SCARB1: variants seen among roughly 807,000 people sequenced by gnomAD.
The protein encoded by SCARB1 is scavenger receptor class B member 1, also known as CD36 and LIMPII analogous 1.
Under a neutral mutation model 57.2 loss-of-function variants are expected in SCARB1, and 30 were observed. The ratio of observed to expected loss-of-function variants is 0.52; its 90% CI spans 0.39 to 0.71. The LOEUF (loss-of-function observed/expected upper bound fraction) is 0.71, where lower values mean the gene tolerates loss of function less well. Ranked by LOEUF, SCARB1 falls within the 30% of genes least tolerant of loss-of-function variation. The probability of loss-of-function intolerance (pLI) is 0.00; values close to 1 mark genes in which losing one functional copy is unlikely to be tolerated. For missense variants in SCARB1, 543 were observed against 671.2 expected, an observed-to-expected ratio of 0.81 and a Z score of 2.11; for synonymous variants, 249 against 268.3, an observed-to-expected ratio of 0.93 and a Z score of 0.70.
In SCARB1 at chr12:124,814,064, G is replaced by A; in HGVS notation, c.630+138C>T. The A allele has an allele frequency of 4.9e-6, 4 of 823,262 alleles. No homozygotes were observed. The highest frequency in any genetic ancestry group is 8.5e-6 in the Non-Finnish European group (4 of 469,820). The allele number at this position is 823,262 out of a possible 1,614,324, so 51.0% of individuals were successfully genotyped here. A position where few individuals can be genotyped will look rare whatever the true frequency, so the allele number is the denominator to read the frequency against. The stretch of plus-strand genomic sequence containing the variant: ...ATTTCACTCAAGCCGGTTTGAGTCA[G>A]GTTCTCAGTCACTTACAACCCACAG... On this transcript the variant is annotated intron_variant, in intron 4 of 12. Transcript: ENST00000261693. This position sits in a 1 kb window ranked among gnomAD's most constrained non-coding sequence, Gnocchi z 4.7.
At chr12:124,824,018 A>C (rs34358636) in intron 1 of SCARB1, among the ~76,000 whole-genome samples, 1 of 150,644 alleles carries the variant, frequency 6.6e-6, no homozygotes, top group Non-Finnish European at 1.5e-5. Context: ...AAAAATATAT[A>C]CAAAAATTAG....
chr12:124,836,843 C>T (rs1566229761), intron 1 of SCARB1, among the ~76,000 whole-genome samples: 1 of 152,150 alleles, frequency 6.6e-6, no homozygotes, highest in African/African-American at 2.4e-5. Context: ...AATTTGTCTC[C>T]ATTTTACTGA....
chr12:124,806,926 C>A (rs187112766), intron 7 of SCARB1, among the ~76,000 whole-genome samples: 2 of 151,714 alleles, frequency 1.3e-5, no homozygotes, highest in African/African-American at 4.9e-5. Context: ...AGGCTGGGCG[C>A]GGTGGCTCAC....
At chr12:124,816,801 G>C (rs1168329773) in intron 2 of SCARB1, among the ~76,000 whole-genome samples, 5 of 152,074 alleles carry the variant, frequency 3.3e-5, no homozygotes, top group Admixed American at 3.3e-4. Context: ...AGGGGCTCTT[G>C]TGTCTCTCCA....
chr12:124,795,863 T>C (rs1194315153), intron 8 of SCARB1, among the ~76,000 whole-genome samples: 1 of 152,250 alleles, frequency 6.6e-6, no homozygotes, highest in African/African-American at 2.4e-5. Context: ...ATATTTTACA[T>C]AGAGCCTAAT....
At chr12:124,856,276 C>T (rs1004616422) in intron 1 of SCARB1, among the ~76,000 whole-genome samples, 10 of 152,246 alleles carry the variant, frequency 6.6e-5, no homozygotes, top group Non-Finnish European at 1.3e-4. Context: ...TATGTAGGCA[C>T]ACATCAACAC....
chr12:124,806,784 C>T (rs922625441), intron 7 of SCARB1, among the ~76,000 whole-genome samples: 4 of 152,074 alleles, frequency 2.6e-5, no homozygotes, highest in African/African-American at 9.7e-5. Flanking sequence ...CACCTGCGGT[C>T]CCAGCTACTC....
In SCARB1 at chr12:124,778,596, A is replaced by G; in HGVS notation, c.*1-10T>C. The G allele has an allele frequency of 7.1e-7, 1 of 1,412,948 alleles. No homozygotes were observed. Among genetic ancestry groups the G allele is most frequent in the Non-Finnish European group, 9.2e-7 (1 of 1,086,792 alleles). 87.5% of individuals were successfully genotyped at this position (1,412,948 alleles called of 1,614,324 possible). A position where few individuals can be genotyped will look rare whatever the true frequency, so the allele number is the denominator to read the frequency against. On this transcript the variant is annotated splice_polypyrimidine_tract_variant and intron_variant, in intron 12 of 12. Coordinates refer to ENST00000261693, the MANE Select transcript of SCARB1 (RefSeq NM_005505.5). ...CGGTGTCCTCAGGACCCTGTGGAGA[A>G]AGGCAAAGCTGGGTGACCACCCACG...
chr12:124,852,280 C>T (rs1952441300), intron 1 of SCARB1, among the ~76,000 whole-genome samples: 1 of 152,230 alleles, frequency 6.6e-6, no homozygotes, highest in Non-Finnish European at 1.5e-5. Context: ...AACAGCCCAG[C>T]ACTGGAACCA....
intron 9 of SCARB1, among the ~76,000 whole-genome samples, chr12:124,787,813 G>T (rs1343716947): frequency 6.6e-6 from 1 of 151,842 alleles, no homozygotes; most frequent in Non-Finnish European, 1.5e-5. Context: ...AGGCCAGGAG[G>T]GATTTGATTC....
At chr12:124,792,721 CAA>C (rs930596389) in intron 9 of SCARB1, among the ~76,000 whole-genome samples, 11 of 31,732 alleles carry the variant, frequency 3.5e-4, no homozygotes, top group African/African-American at 7.3e-4. Flanking sequence ...GACTTCGTCT[CAA>C]AAAAAAAAAA....
chr12:124,814,490 A>G lies in SCARB1; in HGVS notation c.427-85T>C. On this transcript the variant is annotated intron_variant, in intron 3 of 12. Coordinates refer to ENST00000261693, the MANE Select transcript of SCARB1 (RefSeq NM_005505.5). The surrounding 1 kb of genome is among the most constrained non-coding windows in gnomAD (Gnocchi z 4.7). ...GCCCCAGCTGGGCCTCACAGCAAAG[A>G]GCCCATGAAGGGAAATGCTGGGGTG... is the stretch of plus-strand genomic sequence containing the variant. 1 of 1,423,970 alleles carries G rather than the reference A, an allele frequency of 7.0e-7. No individual in the cohort carries two copies. The highest frequency in any genetic ancestry group is 9.9e-7 in the Non-Finnish European group (1 of 1,014,438). The allele number at this position is 1,423,970 out of a possible 1,614,324, so 88.2% of individuals were successfully genotyped here.
chr12:124,788,155 G>A (rs1361339677), intron 9 of SCARB1, among the ~76,000 whole-genome samples: 1 of 152,144 alleles, frequency 6.6e-6, no homozygotes, highest in Non-Finnish European at 1.5e-5. Flanking sequence ...TGGGCTGAGG[G>A]AACCAGTGTT....
chr12:124,797,654 GAT>G (rs1157934023), intron 8 of SCARB1, among the ~76,000 whole-genome samples: 1 of 152,190 alleles, frequency 6.6e-6, no homozygotes, highest in East Asian at 1.9e-4. Context: ...AAAGGAAAGC[GAT>G]CACTGAGAGC....
At chr12:124,847,057 G>C (rs147953200) in intron 1 of SCARB1, among the ~76,000 whole-genome samples, 354 of 152,360 alleles carry the variant, frequency 2.3e-3, no homozygotes, top group Non-Finnish European at 3.9e-3. Flanking sequence ...GGGCTTCGGG[G>C]CAGATGAGCT....
rs1223470329 is a variant in SCARB1 at position 124,789,138 on chromosome 12, A to C, written c.1203-1681T>G. 2.0e-5 allele frequency among the ~76,000 whole-genome samples: 3 copies of C among 152,336 alleles called. No homozygotes were observed. Among genetic ancestry groups the C allele is most frequent in the African/African-American group, 7.2e-5 (3 of 41,562 alleles). ...AAACTTGATACTGCAGAAACGTCAC[A>C]GGCATGACCTCATCCAGGCTATCAA... is the stretch of plus-strand genomic sequence containing the variant. On this transcript the variant is annotated intron_variant, in intron 9 of 12. Transcript: ENST00000261693. This position sits in a 1 kb window ranked among gnomAD's most constrained non-coding sequence, Gnocchi z 4.4.
Position 124,814,471 on chromosome 12 carries a change from G to T in SCARB1, c.427-66C>A. The T allele has an allele frequency of 6.5e-7, 1 of 1,528,816 alleles. No individual in the cohort carries two copies. The highest frequency in any genetic ancestry group is 9.0e-7 in the Non-Finnish European group (1 of 1,105,506). The allele number at this position is 1,528,816 out of a possible 1,614,324, so 94.7% of individuals were successfully genotyped here. ...GCTGGCCCATCCTCCCTTGGCCCCA[G>T]CTGGGCCTCACAGCAAAGAGCCCAT... On this transcript the variant is annotated intron_variant, in intron 3 of 12. Transcript: ENST00000261693. This position sits in a 1 kb window ranked among gnomAD's most constrained non-coding sequence, Gnocchi z 4.7.
intron 8 of SCARB1, among the ~76,000 whole-genome samples, chr12:124,799,362 A>G (rs1950058223): frequency 6.6e-6 from 1 of 152,006 alleles, no homozygotes; most frequent in African/African-American, 2.4e-5. Context: ...GCGTCTCTAC[A>G]AAAAATATAA....
At chr12:124,791,658 C>A (rs908704567) in intron 9 of SCARB1, among the ~76,000 whole-genome samples, 1 of 152,118 alleles carries the variant, frequency 6.6e-6, no homozygotes, top group Admixed American at 6.5e-5. Flanking sequence ...ACAAAAGGCT[C>A]AAATACCACA....
Sources: allele counts gnomAD v4.1 joint callset (sites outside exome capture counted in the v4.1 genomes callset), GRCh38; gene constraint gnomAD v4.1.1; non-coding constraint Gnocchi (gnomAD v3.1); transcripts MANE v1.5; gene names NCBI Gene and HGNC (gene_info 2026-07-23, HGNC 2026-07-21).